The following MYOM1 variants were observed in gnomAD, a reference collection of about 807,000 sequenced individuals.
MYOM1 encodes the protein myomesin 1.
A neutral mutation model predicts 205.3 loss-of-function variants in MYOM1; 164 were observed. The ratio of observed to expected loss-of-function variants is 0.80; its 90% CI spans 0.70 to 0.91. MYOM1 has a LOEUF of 0.91. Among genes scored for constraint, MYOM1 ranks in the 40% least tolerant of loss-of-function variants. The pLI is 0.00. For synonymous variants in MYOM1, 772 were observed against 789.4 expected (o/e 0.98, Z 0.37); for missense variants, 2,011 against 2,127.3 (o/e 0.95, Z 1.08).
chr18:3,084,955 G>T, intron 31 of MYOM1, 90 bp downstream of exon 31: 2 of 994,338 alleles, frequency 2.0e-6, no homozygotes, highest in Non-Finnish European at 2.9e-6. Context: ...AAATCAGCAT[G>T]ATTTCAATCG....
intron 2 of MYOM1, among the ~76,000 whole-genome samples, chr18:3,197,721 A>G (rs2081009414): frequency 6.6e-6 from 1 of 151,668 alleles, no homozygotes; most frequent in African/African-American, 2.4e-5. Flanking sequence ...AAAATACAAA[A>G]AATTAGCTGG....
At chr18:3,083,427 C>CTTTTTTTTTTT (rs35959808) in intron 33 of MYOM1, among the ~76,000 whole-genome samples, 6 of 98,524 alleles carry the variant, frequency 6.1e-5, no homozygotes, top group African/African-American at 2.1e-4. Context: ...TTTTCTTTTT[C>CTTTTTTTTTTT]TTTTTTTTTT....
chr18:3,149,303 T>C (rs1047439153), intron 12 of MYOM1, 102 bp from the exon 13 acceptor site: 24 of 888,968 alleles, frequency 2.7e-5, no homozygotes, highest in Non-Finnish European at 3.8e-5. Flanking sequence ...ACAACTGGGT[T>C]TGTTACTAAT....
chr18:3,083,498 G>A (rs1260045136), intron 33 of MYOM1, among the ~76,000 whole-genome samples: 1 of 131,764 alleles, frequency 7.6e-6, no homozygotes, highest in Non-Finnish European at 1.5e-5. Context: ...GTGCAATCTC[G>A]GCTCACTGCA....
intron 37 of MYOM1, among the ~76,000 whole-genome samples, chr18:3,069,281 A>G (rs959896185): frequency 2.6e-5 from 4 of 152,168 alleles, no homozygotes; most frequent in African/African-American, 9.7e-5. Context: ...TTGTGGTTTT[A>G]ATGTTCACTT....
At chr18:3,100,997 T>G (rs1392030009) in intron 23 of MYOM1, among the ~76,000 whole-genome samples, 3 of 152,206 alleles carry the variant, frequency 2.0e-5, no homozygotes, top group Admixed American at 2.0e-4. Context: ...AGTGGCCAAG[T>G]TCACTGGGTT....
At chr18:3,076,994 G>A (rs981756242) in intron 34 of MYOM1, among the ~76,000 whole-genome samples, 1 of 150,426 alleles carries the variant, frequency 6.6e-6, no homozygotes, top group Non-Finnish European at 1.5e-5. Context: ...TTACAGGCGT[G>A]AGCCACAGCT....
the MYOM1 span, among the ~76,000 whole-genome samples, chr18:3,245,757 C>G: frequency 0.12 from 18,346 of 152,196 alleles, 1,369 homozygotes; most frequent in African/African-American, 0.2. Flanking sequence ...TCTTTCCCCA[C>G]TGAATTAATT....
At chr18:3,243,701 C>T in the MYOM1 span, among the ~76,000 whole-genome samples, 46 of 152,254 alleles carry the variant, frequency 3.0e-4, no homozygotes, top group Non-Finnish European at 5.9e-4. Flanking sequence ...GGATTTATAA[C>T]CCAGGTTCTT....
chr18:3,168,834 A>G lies in MYOM1; in HGVS notation c.1322T>C (p.Ile441Thr), dbSNP rs773743579. 3.1e-6 allele frequency: 5 copies of G among 1,613,940 alleles called. No individual in the cohort carries two copies. The Middle Eastern group carries it at 6.6e-4, about 213-fold the overall frequency. ...TPEIKHFQPE[I>T]QWYRNGVPLS... ...AGACTCACCGTTTCTGTACCACTGG[A>G]TCTCTGGCTGGAAATGTTTAATTTC... Residue 441 changes from isoleucine to threonine, a missense_variant, in exon 9 of 38, where the codon ATC becomes ACC. Transcript: ENST00000356443.
At chr18:3,227,205 A>AT in the MYOM1 span, among the ~76,000 whole-genome samples, 373 of 150,554 alleles carry the variant, frequency 2.5e-3, 2 homozygotes, top group African/African-American at 7.7e-3. Flanking sequence ...TCTTGTTTGT[A>AT]TTTTTTTTAC....
At chr18:3,244,929 A>T in the MYOM1 span, among the ~76,000 whole-genome samples, 1 of 150,610 alleles carries the variant, frequency 6.6e-6, no homozygotes, top group Admixed American at 6.6e-5. Flanking sequence ...GTAAAAAAAT[A>T]AAAATACAAA....
At position 3,085,068 on chromosome 18, in the gene MYOM1, C is replaced by T; in HGVS notation, c.4316G>A (p.Ser1439Asn). 2 of 1,607,896 alleles carry T rather than the reference C, an allele frequency of 1.2e-6. No homozygotes were observed. Among genetic ancestry groups the T allele is most frequent in the Non-Finnish European group, 1.7e-6 (2 of 1,177,060 alleles). Residue 1439 changes from serine (S) to asparagine (N), a missense_variant, in exon 31 of 38, where the codon AGC (serine) becomes AAC (asparagine). Coordinates refer to ENST00000356443, the MANE Select transcript of MYOM1 (RefSeq NM_003803.4). ...ILKDDRGKDK[S>N]RLKLVDEAFK... is the part of the protein sequence containing the mutation. ...ACCTTCATCCACAAGCTTCAGTCTG[C>T]TCTTATCTTTTCCTCGGTCATCTTT...
At chr18:3,223,049 A>G (rs2081338408), upstream of MYOM1, among the ~76,000 whole-genome samples, 1 of 152,044 alleles carries the variant, frequency 6.6e-6, no homozygotes, top group Admixed American at 6.6e-5. Flanking sequence ...CACCTGGCTA[A>G]TGTTTGTACT....
intron 22 of MYOM1, among the ~76,000 whole-genome samples, chr18:3,108,252 A>G (rs888080273): frequency 6.6e-6 from 1 of 152,166 alleles, no homozygotes; most frequent in Non-Finnish European, 1.5e-5. Context: ...CAGTGGATTG[A>G]TTTTGTCTAT....
rs141641011 is a variant in MYOM1, at chr18:3,070,652, G to A, written c.4764+1182C>T. Among the ~76,000 whole-genome samples, 49 of 152,056 alleles carry A rather than the reference G, an allele frequency of 3.2e-4. 2 individuals carry two copies. The East Asian group carries it at 7.3e-3, about 23-fold the overall frequency. On this transcript the variant is annotated intron_variant, in intron 37 of 37. Coordinates refer to ENST00000356443, the MANE Select transcript of MYOM1 (RefSeq NM_003803.4). Reference sequence around the variant, plus strand: ...ATTTACCTGATGCCAAATTTACAACGTTGTAATCTCTTGGAGAGATTATTA... The same window carrying A: ...ATTTACCTGATGCCAAATTTACAACATTGTAATCTCTTGGAGAGATTATTA...
intron 12 of MYOM1, among the ~76,000 whole-genome samples, chr18:3,149,833 T>C (rs1448487459): frequency 1.3e-5 from 2 of 152,182 alleles, no homozygotes; most frequent in Admixed American, 1.3e-4. Flanking sequence ...ACCAGGGGAC[T>C]TTTTGTCAGG....
chr18:3,133,323 G>A (rs183530552), intron 16 of MYOM1, among the ~76,000 whole-genome samples: 280 of 152,178 alleles, frequency 1.8e-3, no homozygotes, highest in African/African-American at 6.2e-3. Context: ...AGAAGCTGCC[G>A]AACGAGTCTA....
At chr18:3,212,473 CAT>C (rs1168869452) in intron 2 of MYOM1, among the ~76,000 whole-genome samples, 1 of 151,852 alleles carries the variant, frequency 6.6e-6, no homozygotes, top group Admixed American at 6.6e-5. Flanking sequence ...ATAAAGATTG[CAT>C]ATGTGGCTAA....
Sources: gnomAD v4.1 joint callset for allele counts (sites outside exome capture counted in the v4.1 genomes callset) on GRCh38, gnomAD v4.1.1 for gene constraint, MANE v1.5 for transcripts, NCBI Gene and HGNC (gene_info 2026-07-23, HGNC 2026-07-21) for gene names.